ZCCHC2: variants seen among roughly 807,000 people sequenced by gnomAD.
The protein encoded by ZCCHC2 is zinc finger CCHC-type containing 2.
Under a neutral mutation model 103.6 loss-of-function variants are expected in ZCCHC2, and 39 were observed. The ratio of observed to expected loss-of-function variants is 0.38; its 90% CI spans 0.29 to 0.49. The LOEUF is 0.49. Ranked by LOEUF, ZCCHC2 falls within the 20% of genes least tolerant of loss-of-function variation. ZCCHC2 has a pLI of 0.96. For synonymous variants in ZCCHC2, 687 were observed against 608.9 expected (o/e 1.13, Z -1.89); for missense variants, 1,483 against 1,491.0 (o/e 0.99, Z 0.09).
rs1195379922 is a variant in ZCCHC2, at chr18:62,564,566, A to G, written c.1687-5A>G. The G allele has an allele frequency of 3.3e-6, 5 of 1,532,338 alleles. No homozygotes were observed. In the South Asian group the frequency reaches 3.7e-5, roughly 11 times the overall value. 94.9% of individuals were successfully genotyped at this position (1,532,338 alleles called of 1,614,324 possible). A position where few individuals can be genotyped will look rare whatever the true frequency, so the allele number is the denominator to read the frequency against. ...TCTGATTTGTCTTTTTATTCTTTCT[A>G]CTAGCATTCTGCTGAAAAACGGAGT... On this transcript the variant is annotated splice_polypyrimidine_tract_variant and splice_region_variant and intron_variant, in intron 9 of 13. Transcript: ENST00000269499.
Position 62,573,563 on chromosome 18 carries a change from AAAC to A in ZCCHC2, c.1976-479_1976-477del, listed in dbSNP as rs544752136. Among the ~76,000 whole-genome samples, 647 of 152,332 alleles carry A rather than the reference AAAC, an allele frequency of 4.2e-3. 2 individuals are homozygous for A. Among genetic ancestry groups the A allele is most frequent in the African/African-American group, 8.9e-3 (372 of 41,578 alleles). On this transcript the variant is annotated intron_variant, in intron 12 of 13. Transcript: ENST00000269499. ...AAGAATATTGATTCCATTCTAAAAA[AAAC>A]AACAACAACAACAAAAGAAAACTCT...
intron 2 of ZCCHC2, among the ~76,000 whole-genome samples, chr18:62,541,563 AC>A (rs974100468): frequency 9.0e-5 from 4 of 44,666 alleles, no homozygotes; most frequent in East Asian, 0.026. Context: ...TGTACCCCCC[AC>A]ACCCATTCTG....
At chr18:62,533,664 C>T (rs369797892) in intron 1 of ZCCHC2, among the ~76,000 whole-genome samples, 6 of 152,080 alleles carry the variant, frequency 3.9e-5, no homozygotes, top group South Asian at 2.1e-4. Flanking sequence ...GCCAGGAGTT[C>T]GAGACCAGCC....
At chr18:62,565,156 ACTG>A in intron 11 of ZCCHC2, 60 bp downstream of exon 11, 1 of 1,263,012 alleles carries the variant, frequency 7.9e-7, no homozygotes, top group Non-Finnish European at 1.1e-6. Flanking sequence ...CATGATACTT[ACTG>A]TATTAATAGA....
At chr18:62,558,239 GTAA>G (rs1408667960) in intron 6 of ZCCHC2, among the ~76,000 whole-genome samples, 17 of 152,222 alleles carry the variant, frequency 1.1e-4, no homozygotes, top group South Asian at 2.1e-4. Context: ...TTACTGTTCT[GTAA>G]CACGAGAACA....
chr18:62,566,035 A>G (rs1916348667), intron 11 of ZCCHC2, among the ~76,000 whole-genome samples: 1 of 152,196 alleles, frequency 6.6e-6, no homozygotes, highest in Non-Finnish European at 1.5e-5. Context: ...ACCTGAGGTC[A>G]GGAGCTCGAG....
chr18:62,560,750 T>C, intron 8 of ZCCHC2, 106 bp downstream of exon 8: 2 of 878,396 alleles, frequency 2.3e-6, no homozygotes, highest in Non-Finnish European at 3.4e-6. Context: ...GTCATTTTGC[T>C]ATTTGCTTTT....
chr18:62,553,921 A>C (rs776020851), intron 5 of ZCCHC2, among the ~76,000 whole-genome samples: 3 of 152,100 alleles, frequency 2.0e-5, no homozygotes, highest in Non-Finnish European at 4.4e-5. Flanking sequence ...AGGTGTTTTA[A>C]ATTTTTATAT....
At position 62,550,392 on chromosome 18, in the gene ZCCHC2, A is replaced by G; in HGVS notation, c.1245A>G (p.Leu415=). 6.2e-7 allele frequency: 1 copy of G among 1,613,904 alleles called. No homozygotes were observed. The highest frequency in any genetic ancestry group is 8.5e-7 in the Non-Finnish European group (1 of 1,179,850). Residue 415 remains leucine (L), a synonymous_variant, in exon 5 of 14, where the codon TTA becomes TTG. Coordinates refer to ENST00000269499, the MANE Select transcript of ZCCHC2 (RefSeq NM_017742.6). ...LSSETFDKTI[L]RALNQGSLKR... ...CAGAGACTTTTGACAAGACCATCTT[A>G]AGAGCCCTGAATCAGGGTTCCTTGA... is the stretch of plus-strand genomic sequence containing the variant.
At position 62,570,237 on chromosome 18, in the gene ZCCHC2, C is replaced by G. The variant is rs369495359; in HGVS notation, c.1975+6C>G. 6 of 1,610,248 alleles carry G rather than the reference C, an allele frequency of 3.7e-6. No individual in the cohort carries two copies. Among genetic ancestry groups the G allele is most frequent in the Non-Finnish European group, 4.2e-6 (5 of 1,178,182 alleles). ...TGAAGAAGAGAAAGACAGAGGTTTG[C>G]TCTTTGAAGTGGGAGTATTGTTGGC... On this transcript the variant is annotated splice_donor_region_variant and intron_variant, in intron 12 of 13. Coordinates refer to ENST00000269499, the MANE Select transcript of ZCCHC2 (RefSeq NM_017742.6).
rs944041354 is a variant in ZCCHC2 at position 62,560,835 on chromosome 18, TTTTTG to T, written c.1550+211_1550+215del. Among the ~76,000 whole-genome samples, 8 of 152,280 alleles carry T rather than the reference TTTTTG, an allele frequency of 5.3e-5. No individual in the cohort carries two copies. In the East Asian group the frequency reaches 5.8e-4, roughly 11 times the overall value. ...TGGGTTGTTTTTCTTCTGTGGTTTT[TTTTTG>T]TTTTGTTTTGTTTTGTTTTCCCCTA... On this transcript the variant is annotated intron_variant, in intron 8 of 13. Coordinates refer to ENST00000269499, the MANE Select transcript of ZCCHC2 (RefSeq NM_017742.6).
intron 4 of ZCCHC2, among the ~76,000 whole-genome samples, chr18:62,549,174 G>A (rs190583336): frequency 2.0e-5 from 3 of 151,506 alleles, no homozygotes; most frequent in African/African-American, 4.9e-5. Context: ...AGCCGAGATC[G>A]CGCCACTGCG....
rs1555786546 is a variant in ZCCHC2, at chr18:62,547,549, G to GC, written c.1200+2676_1200+2677insC. Among the ~76,000 whole-genome samples, 6 of 142,632 alleles carry GC rather than the reference G, an allele frequency of 4.2e-5. No individual in the cohort carries two copies. The East Asian group carries it at 1.0e-3, about 24-fold the overall frequency. 93.6% of individuals were successfully genotyped at this position (142,632 alleles called of 152,430 possible). On this transcript the variant is annotated intron_variant, in intron 4 of 13. Transcript: ENST00000269499. ...TTCACCTGTTTTTGTGGGTTTGTTTGTTTTTTTTTTTTCTTTTCTTTTGAG... is the reference window on the plus strand; with the variant it reads ...TTCACCTGTTTTTGTGGGTTTGTTTGCTTTTTTTTTTTTCTTTTCTTTTGAG...
At chr18:62,555,512 A>G (rs1042648410) in intron 5 of ZCCHC2, among the ~76,000 whole-genome samples, 1 of 152,194 alleles carries the variant, frequency 6.6e-6, no homozygotes, top group Non-Finnish European at 1.5e-5. Flanking sequence ...AATGCCCGTT[A>G]ATACTACAGC....
At chr18:62,543,447 G>A (rs1463825658) in intron 3 of ZCCHC2, among the ~76,000 whole-genome samples, 1 of 152,132 alleles carries the variant, frequency 6.6e-6, no homozygotes, top group Non-Finnish European at 1.5e-5. Flanking sequence ...TTTGCTTTAA[G>A]GGAGAAAGAT....
At chr18:62,526,778 C>G (rs1177769831) in intron 1 of ZCCHC2, 4 of 151,962 alleles carry the variant, frequency 2.6e-5, no homozygotes, top group Non-Finnish European at 5.9e-5. Flanking sequence ...GGGTCCGTGG[C>G]GCGGGGCTCC....
intron 6 of ZCCHC2, among the ~76,000 whole-genome samples, chr18:62,557,163 A>AT (rs765425153): frequency 3.9e-5 from 6 of 152,066 alleles, no homozygotes; most frequent in Non-Finnish European, 7.4e-5. Flanking sequence ...TTGCCCTCTT[A>AT]TTTCACCTTT....
At position 62,524,108 on chromosome 18, in the gene ZCCHC2, G is replaced by A. The variant is rs569317991; in HGVS notation, c.684G>A (p.Glu228=). 58 of 1,524,122 alleles carry A rather than the reference G, an allele frequency of 3.8e-5. No individual in the cohort carries two copies. In the East Asian group the frequency reaches 1.4e-3, roughly 37 times the overall value. 94.4% of individuals were successfully genotyped at this position (1,524,122 alleles called of 1,614,324 possible). ...EDERGEDGDG[E]QDAEKDGSGP... is the part of the protein sequence containing the mutation. ...AGCGCGGCGAGGACGGCGACGGCGA[G>A]CAGGACGCCGAGAAGGACGGCTCAG... is the stretch of plus-strand genomic sequence containing the variant. The change falls in exon 1 of 14, where the codon GAG becomes GAA. Residue 228 remains glutamate, a synonymous_variant. Coordinates refer to ENST00000269499, the MANE Select transcript of ZCCHC2 (RefSeq NM_017742.6).
chr18:62,524,444 T>TTGCCCG, intron 1 of ZCCHC2, 81 bp downstream of exon 1: 1 of 1,407,842 alleles, frequency 7.1e-7, no homozygotes, highest in Middle Eastern at 2.6e-4. Context: ...CGGACGCCCC[T>TTGCCCG]TGCCCGAGCC....
Sources: allele counts gnomAD v4.1 joint callset (sites outside exome capture counted in the v4.1 genomes callset), GRCh38; gene constraint gnomAD v4.1.1; transcripts MANE v1.5; gene names NCBI Gene and HGNC (gene_info 2026-07-23, HGNC 2026-07-21).